The following FANCC variants were observed in gnomAD, a reference collection of about 807,000 sequenced individuals.
FANCC encodes FA complementation group C, also known as Fanconi anemia group C protein.
FANCC carries 55 observed loss-of-function variants against 71.3 expected under a neutral mutation model. The observed-to-expected ratio is 0.77, with a 90% CI of 0.62 to 0.97. The LOEUF (loss-of-function observed/expected upper bound fraction) is 0.97. Ranked by LOEUF, FANCC falls within the 50% of genes least tolerant of loss-of-function variation. FANCC has a pLI of 0.00. For missense variants in FANCC, 678 were observed against 670.9 expected (o/e 1.01, Z -0.12); for synonymous variants, 275 against 244.9 (o/e 1.12, Z -1.15).
intron 6 of FANCC, among the ~76,000 whole-genome samples, chr9:95,170,637 C>CGTGTGTGTGTGT (rs3992109): frequency 0.11 from 13,161 of 124,154 alleles, 916 homozygotes; most frequent in African/African-American, 0.13. Flanking sequence ...TTGTAAATAT[C>CGTGTGTGTGTGT]GTGTGTGTGT....
chr9:95,289,762 T>C (rs992611261), intron 1 of FANCC, among the ~76,000 whole-genome samples: 1 of 152,144 alleles, frequency 6.6e-6, no homozygotes, highest in Non-Finnish European at 1.5e-5. Context: ...AGGATCCTCC[T>C]ACCTCAGCCT....
intron 11 of FANCC, among the ~76,000 whole-genome samples, chr9:95,116,130 ACC>A (rs1423623577): frequency 1.3e-5 from 2 of 152,262 alleles, no homozygotes; most frequent in Non-Finnish European, 2.9e-5. Context: ...ATGCCCATGC[ACC>A]ACCTCACCGT....
chr9:95,255,932 CA>C (rs1236155529), intron 1 of FANCC, among the ~76,000 whole-genome samples: 3 of 151,076 alleles, frequency 2.0e-5, no homozygotes, highest in Non-Finnish European at 4.4e-5. Context: ...GAAAGGATAT[CA>C]GAGACTAAAG....
intron 10 of FANCC, among the ~76,000 whole-genome samples, chr9:95,120,018 T>C (rs2072747536): frequency 6.6e-6 from 1 of 152,182 alleles, no homozygotes; most frequent in African/African-American, 2.4e-5. Flanking sequence ...AGCCTAAAAG[T>C]TTTAAATTCT....
intron 1 of FANCC, among the ~76,000 whole-genome samples, chr9:95,315,811 C>T (rs1835705060): frequency 6.6e-6 from 1 of 152,250 alleles, no homozygotes; most frequent in African/African-American, 2.4e-5. Context: ...CAACTTTCTA[C>T]TGGCCAGGCT....
chr9:95,116,196 C>G (rs1295237463), intron 11 of FANCC, among the ~76,000 whole-genome samples: 1 of 152,256 alleles, frequency 6.6e-6, no homozygotes, highest in East Asian at 1.9e-4. Context: ...TTTTCTGGAG[C>G]TCACTCAGCG....
intron 6 of FANCC, among the ~76,000 whole-genome samples, chr9:95,157,875 A>T (rs761870100): frequency 9.2e-5 from 14 of 152,148 alleles, no homozygotes; most frequent in Non-Finnish European, 1.5e-4. Flanking sequence ...TCCAGCCTAA[A>T]CAGAAGATAT....
chr9:95,244,458 T>C (rs1401711650), intron 3 of FANCC, among the ~76,000 whole-genome samples: 1 of 152,002 alleles, frequency 6.6e-6, no homozygotes, highest in Non-Finnish European at 1.5e-5. Flanking sequence ...GGCAGGCAGA[T>C]CACAAGGTCA....
At chr9:95,222,945 C>A (rs1829374079) in intron 4 of FANCC, among the ~76,000 whole-genome samples, 1 of 152,222 alleles carries the variant, frequency 6.6e-6, no homozygotes, top group Admixed American at 6.5e-5. Context: ...AGTAGTTATG[C>A]TATAATTTGT....
intron 6 of FANCC, among the ~76,000 whole-genome samples, chr9:95,157,768 A>G (rs1830528294): frequency 6.6e-6 from 1 of 152,224 alleles, no homozygotes; most frequent in Non-Finnish European, 1.5e-5. Flanking sequence ...GTTCTTGGGA[A>G]GGTTATCAGT....
rs903633539 is a variant in FANCC at position 95,251,999 on chromosome 9, G to A, written c.-78-2630C>T. 6.6e-5 allele frequency among the ~76,000 whole-genome samples: 10 copies of A among 152,022 alleles called. 1 individual carries two copies. In the South Asian group the frequency reaches 1.0e-3, roughly 16 times the overall value. On this transcript the variant is annotated intron_variant, in intron 1 of 14. Coordinates refer to ENST00000289081, the MANE Select transcript of FANCC (RefSeq NM_000136.3). Reference sequence around the variant, plus strand: ...CCTTAAAGAAACAAACTGAAGAGGCGGGGCACAGTGGCTCACACCTGTAAT... The same window carrying A: ...CCTTAAAGAAACAAACTGAAGAGGCAGGGCACAGTGGCTCACACCTGTAAT...
At chr9:95,144,624 G>C (rs998370220) in intron 7 of FANCC, among the ~76,000 whole-genome samples, 2 of 152,298 alleles carry the variant, frequency 1.3e-5, no homozygotes, top group East Asian at 3.9e-4. Context: ...AGTAAGGCTA[G>C]ACACGGGGGT....
intron 4 of FANCC, among the ~76,000 whole-genome samples, chr9:95,197,635 G>T (rs1421694088): frequency 2.0e-4 from 31 of 152,208 alleles, no homozygotes; most frequent in Admixed American, 2.0e-3. Context: ...ATCTAGCCCT[G>T]TCATCATGCT....
chr9:95,103,680 T>G (rs2071226245), intron 14 of FANCC, among the ~76,000 whole-genome samples: 1 of 152,060 alleles, frequency 6.6e-6, no homozygotes, highest in African/African-American at 2.4e-5. Flanking sequence ...TGGATGGCGT[T>G]CTGGGGAAAA....
intron 8 of FANCC, 75 bp downstream of exon 8, chr9:95,135,271 C>T: frequency 7.0e-7 from 1 of 1,425,234 alleles, no homozygotes; most frequent in Non-Finnish European, 9.9e-7. Flanking sequence ...CCCCCCCTTT[C>T]ATTCTCTGAC....
chr9:95,283,178 G>A (rs1417769494), intron 1 of FANCC, among the ~76,000 whole-genome samples: 1 of 152,160 alleles, frequency 6.6e-6, no homozygotes, highest in Admixed American at 6.6e-5. Flanking sequence ...AAACTCGTGG[G>A]CTCAAGGGAT....
At chr9:95,241,682 C>T (rs1830640979) in intron 3 of FANCC, among the ~76,000 whole-genome samples, 3 of 152,066 alleles carry the variant, frequency 2.0e-5, no homozygotes, top group East Asian at 1.9e-4. Context: ...TTTTTTGAGA[C>T]AGGGTCTCGC....
At chr9:95,281,193 A>G (rs1036256922) in intron 1 of FANCC, among the ~76,000 whole-genome samples, 1 of 152,118 alleles carries the variant, frequency 6.6e-6, no homozygotes, top group Non-Finnish European at 1.5e-5. Context: ...GTACAGGAAG[A>G]TCAAGGGCAA....
At chr9:95,132,069 C>CT (rs1826992855) in intron 8 of FANCC, among the ~76,000 whole-genome samples, 1 of 152,236 alleles carries the variant, frequency 6.6e-6, no homozygotes, top group African/African-American at 2.4e-5. Flanking sequence ...AGAAACAACT[C>CT]TGCCTCCTGG....
Sources: allele counts gnomAD v4.1 joint callset (sites outside exome capture counted in the v4.1 genomes callset), GRCh38; gene constraint gnomAD v4.1.1; transcripts MANE v1.5; gene names NCBI Gene and HGNC (gene_info 2026-07-23, HGNC 2026-07-21).